ABLIM2: variants seen among roughly 807,000 people sequenced by gnomAD.
ABLIM2 encodes actin binding LIM protein family member 2, also known as actin-binding LIM protein 2.
ABLIM2 carries 53 observed loss-of-function variants against 97.7 expected under a neutral mutation model. The ratio of observed to expected loss-of-function variants is 0.54; its 90% CI spans 0.44 to 0.68. ABLIM2 has a LOEUF of 0.68. Among genes scored for constraint, ABLIM2 ranks in the 30% least tolerant of loss-of-function variants. The probability of loss-of-function intolerance (pLI) is 0.00; values close to 1 mark genes in which losing one functional copy is unlikely to be tolerated. For synonymous variants in ABLIM2, 361 were observed against 345.8 expected (o/e 1.04, Z -0.49); for missense variants, 835 against 867.2 (o/e 0.96, Z 0.47).
intron 3 of ABLIM2, among the ~76,000 whole-genome samples, chr4:8,088,992 G>A (rs1237974671): frequency 2.0e-5 from 3 of 152,250 alleles, no homozygotes; most frequent in East Asian, 1.9e-4. Context: ...CTGGACAATC[G>A]GATCCTGTCT....
chr4:7,971,352 C>T lies in ABLIM2; in HGVS notation c.1825-4249G>A, dbSNP rs561461119. On this transcript the variant is annotated intron_variant, in intron 20 of 20. Transcript: ENST00000447017. ...GAGTGCACCTCACCCCCAGGGCCCG[C>T]GCAGGACAAGCACAGCTGGAAGGAA... 5.3e-4 allele frequency among the ~76,000 whole-genome samples: 81 copies of T among 152,234 alleles called. No homozygotes were observed. In the South Asian group the frequency reaches 0.012, roughly 23 times the overall value.
At position 8,097,142 on chromosome 4, in the gene ABLIM2, C is replaced by G; in HGVS notation, c.295G>C (p.Gly99Arg). Residue 99 changes from glycine to arginine, a missense_variant, in exon 3 of 21, where the codon GGC becomes CGC. Physicochemically the swap from Gly to Arg is moderately radical, Grantham distance 125. Transcript: ENST00000447017. ...AAGCAGTCGGGGTGGTAGGTCTTGC[C>G]CAGCGCCGACACCACCTCACCCTCA... ...FIEGEVVSAL[G>R]KTYHPDCFVC... The G allele has an allele frequency of 6.2e-7, 1 of 1,611,532 alleles. No individual in the cohort carries two copies. Among genetic ancestry groups the G allele is most frequent in the Non-Finnish European group, 8.5e-7 (1 of 1,179,148 alleles).
chr4:8,153,709 G>GAGCGGC (rs1713928021), intron 1 of ABLIM2, among the ~76,000 whole-genome samples: 1 of 152,220 alleles, frequency 6.6e-6, no homozygotes, highest in African/African-American at 2.4e-5. Context: ...ACCAGCGCTG[G>GAGCGGC]AGGCAGAGTG....
intron 8 of ABLIM2, among the ~76,000 whole-genome samples, chr4:8,047,002 C>T (rs918690704): frequency 3.3e-5 from 5 of 152,158 alleles, no homozygotes; most frequent in Admixed American, 6.5e-5. Context: ...GTGCCTTTAT[C>T]GGGGAAGCCC....
intron 1 of ABLIM2, among the ~76,000 whole-genome samples, chr4:8,131,890 T>TGCACAGCAGCCCGCATCTCCA: frequency 8.3e-6 from 1 of 120,084 alleles, no homozygotes; most frequent in African/African-American, 3.3e-5. Flanking sequence ...CCGCATCCCC[T>TGCACAGCAGCCCGCATCTCCA]GCACAGCAGC....
chr4:8,037,352 A>G (rs1314582139), intron 9 of ABLIM2, among the ~76,000 whole-genome samples: 4 of 151,292 alleles, frequency 2.6e-5, no homozygotes, highest in Non-Finnish European at 5.9e-5. Flanking sequence ...ACACACACAC[A>G]TAAGGCACAC....
Position 8,071,801 on chromosome 4 carries a change from G to C in ABLIM2, c.675+5827C>G. 1.0e-6 allele frequency: 1 copy of C among 985,374 alleles called. No individual in the cohort carries two copies. The highest frequency in any genetic ancestry group is 1.7e-5 in the African/African-American group (1 of 57,290). The allele number at this position is 985,374 out of a possible 1,614,324, so 61.0% of individuals were successfully genotyped here. On this transcript the variant is annotated intron_variant, in intron 6 of 20. Coordinates refer to ENST00000447017, the MANE Select transcript of ABLIM2 (RefSeq NM_001130083.2). This position sits in a 1 kb window ranked among gnomAD's most constrained non-coding sequence, Gnocchi z 6.2. ...GCTTCTGGGCACCAGAGCCCAGTCT[G>C]ACGGCCCTGCTTGAGTGCCGTGCTC... is the stretch of plus-strand genomic sequence containing the variant.
chr4:8,010,967 G>A (rs541974740), intron 14 of ABLIM2, among the ~76,000 whole-genome samples: 20 of 152,236 alleles, frequency 1.3e-4, no homozygotes, highest in Non-Finnish European at 2.2e-4. Context: ...AAGGGCCCTG[G>A]GGCTGAGTTG....
chr4:8,016,043 A>ATT (rs4006048), intron 14 of ABLIM2, among the ~76,000 whole-genome samples: 4,116 of 111,032 alleles, frequency 0.037, 280 homozygotes, highest in African/African-American at 0.059. Context: ...TTGTTGTTGT[A>ATT]TTTTTTTTTT....
rs1808625539 is a variant in ABLIM2 at position 8,067,357 on chromosome 4, AGACG to A, written c.676-6307_676-6304del. On this transcript the variant is annotated intron_variant, in intron 6 of 20. Coordinates refer to ENST00000447017, the MANE Select transcript of ABLIM2 (RefSeq NM_001130083.2). The surrounding 1 kb of genome is among the most constrained non-coding windows in gnomAD (Gnocchi z 5.4). Reference sequence around the variant, plus strand: ...AGAGCTCCTAGTGAGCTGGGGGCAGAGACGGAAGCCTTCCACGCTGTACACGCCA... The same window carrying A: ...AGAGCTCCTAGTGAGCTGGGGGCAGAGAAGCCTTCCACGCTGTACACGCCA... The A allele has an allele frequency of 6.6e-6, 1 of 152,414 alleles. No homozygotes were observed. The highest frequency in any genetic ancestry group is 6.5e-5 in the Admixed American group (1 of 15,278). The allele number at this position is 152,414 out of a possible 1,614,324, so 9.4% of individuals were successfully genotyped here. A position where few individuals can be genotyped will look rare whatever the true frequency, so the allele number is the denominator to read the frequency against.
At chr4:7,968,353 CAG>C (rs1264889979) in intron 20 of ABLIM2, among the ~76,000 whole-genome samples, 1 of 152,248 alleles carries the variant, frequency 6.6e-6, no homozygotes, top group African/African-American at 2.4e-5. Flanking sequence ...GAATGGAAAA[CAG>C]GGACTCAGAG....
chr4:8,029,901 C>T lies in ABLIM2; in HGVS notation c.1048-125G>A. 6 of 1,314,196 alleles carry T rather than the reference C, an allele frequency of 4.6e-6. No homozygotes were observed. In the Admixed American group the frequency reaches 7.0e-5, roughly 15 times the overall value. 81.4% of individuals were successfully genotyped at this position (1,314,196 alleles called of 1,614,324 possible). On this transcript the variant is annotated intron_variant, in intron 10 of 20. Coordinates refer to ENST00000447017, the MANE Select transcript of ABLIM2 (RefSeq NM_001130083.2). ...CCAAGTGGATGACTCAACATGGCCC[C>T]ATGTGGGAATCTCCTGCACCTGTCA... is the stretch of plus-strand genomic sequence containing the variant.
chr4:8,044,295 G>A lies in ABLIM2; in HGVS notation c.900+869C>T, dbSNP rs2151721642. Among the ~76,000 whole-genome samples, 1 of 152,026 alleles carries A rather than the reference G, an allele frequency of 6.6e-6. No individual in the cohort carries two copies. Among genetic ancestry groups the A allele is most frequent in the South Asian group, 2.1e-4 (1 of 4,808 alleles). On this transcript the variant is annotated intron_variant, in intron 9 of 20. Transcript: ENST00000447017. The surrounding 1 kb of genome is among the most constrained non-coding windows in gnomAD (Gnocchi z 4.4). ...ATTCCAGTGCTGGGTTCTGGTGCAGGGGCAGCCTACATGGCAGTCCCGGGT... is the reference window on the plus strand; with the variant it reads ...ATTCCAGTGCTGGGTTCTGGTGCAGAGGCAGCCTACATGGCAGTCCCGGGT...
intron 2 of ABLIM2, among the ~76,000 whole-genome samples, chr4:8,097,908 G>C (rs1048829007): frequency 2.6e-5 from 4 of 152,128 alleles, no homozygotes; most frequent in Admixed American, 6.5e-5. Context: ...CTCCTGAAAG[G>C]GAAGCACTTT....
intron 14 of ABLIM2, chr4:8,010,342 T>C: frequency 2.0e-6 from 2 of 983,902 alleles, no homozygotes; most frequent in Non-Finnish European, 2.4e-6. Context: ...CCCCATGCAC[T>C]GAACAATTAC....
chr4:8,070,540 C>T (rs1455106348), intron 6 of ABLIM2, among the ~76,000 whole-genome samples: 1 of 152,160 alleles, frequency 6.6e-6, no homozygotes, highest in East Asian at 1.9e-4. Flanking sequence ...GTCATCCGTG[C>T]TTCCTGCCCC....
intron 1 of ABLIM2, among the ~76,000 whole-genome samples, chr4:8,119,324 C>A (rs199604450): frequency 9.2e-6 from 1 of 108,118 alleles, no homozygotes. Flanking sequence ...GGGCTTCCTT[C>A]TTTTTTTTTT....
rs923746161 is a variant in ABLIM2 at position 8,112,118 on chromosome 4, T to C, written c.11-5481A>G. Reference sequence around the variant, plus strand: ...GAGAGTATTTAATCCCTCATGATAATGAAACCCCAGCCTTGGGAAGCCCCA... The same window carrying C: ...GAGAGTATTTAATCCCTCATGATAACGAAACCCCAGCCTTGGGAAGCCCCA... On this transcript the variant is annotated intron_variant, in intron 1 of 20. Coordinates refer to ENST00000447017, the MANE Select transcript of ABLIM2 (RefSeq NM_001130083.2). The surrounding 1 kb of genome is among the most constrained non-coding windows in gnomAD (Gnocchi z 4.2). Among the ~76,000 whole-genome samples, 2 of 152,152 alleles carry C rather than the reference T, an allele frequency of 1.3e-5. No homozygotes were observed. Among genetic ancestry groups the C allele is most frequent in the African/African-American group, 4.8e-5 (2 of 41,416 alleles).
chr4:8,077,659 C>T lies in ABLIM2; in HGVS notation c.644G>A (p.Cys215Tyr). ...CACGCGCCCCGTGATGTATTTCTCA[C>T]AGCTGTCACAGCGGATGCCGAACTT... Reference protein sequence around the residue: ...HAKFGIRCDSCEKYITGRVLE... With the variant: ...HAKFGIRCDSYEKYITGRVLE... Residue 215 changes from cysteine to tyrosine, a missense_variant, in exon 6 of 21, where the codon TGT becomes TAT. Physicochemically the swap from Cys to Tyr is radical, Grantham distance 194 (BLOSUM62 -2). Coordinates refer to ENST00000447017, the MANE Select transcript of ABLIM2 (RefSeq NM_001130083.2). 7 of 1,612,818 alleles carry T rather than the reference C, an allele frequency of 4.3e-6. No homozygotes were observed. The highest frequency in any genetic ancestry group is 5.1e-6 in the Non-Finnish European group (6 of 1,179,398).
Sources: gnomAD v4.1 joint callset for allele counts (sites outside exome capture counted in the v4.1 genomes callset) on GRCh38, gnomAD v4.1.1 for gene constraint, Gnocchi (gnomAD v3.1) non-coding constraint, MANE v1.5 for transcripts, NCBI Gene and HGNC (gene_info 2026-07-23, HGNC 2026-07-21) for gene names.